FBXL7: variants seen among roughly 807,000 people sequenced by gnomAD.
FBXL7 encodes F-box/LRR-repeat protein 7.
A neutral mutation model predicts 38.3 loss-of-function variants in FBXL7; 12 were observed. The observed-to-expected ratio is 0.31, with a 90% CI of 0.20 to 0.51. The LOEUF (loss-of-function observed/expected upper bound fraction) is 0.51. FBXL7 is among the 20% of genes least tolerant of loss of function. FBXL7 has a pLI of 0.98. For synonymous variants in FBXL7, 297 were observed against 300.9 expected, an observed-to-expected ratio of 0.99 and a Z score of 0.13; for missense variants, 567 against 676.4, an observed-to-expected ratio of 0.84 and a Z score of 1.79.
intron 1 of FBXL7, among the ~76,000 whole-genome samples, chr5:15,603,628 A>T (rs1290657929): frequency 6.6e-6 from 1 of 152,060 alleles, no homozygotes; most frequent in Non-Finnish European, 1.5e-5. Context: ...ATCCTGGATC[A>T]CTCCAGTTAT....
chr5:15,650,339 A>G (rs1741664819), intron 2 of FBXL7, among the ~76,000 whole-genome samples: 3 of 152,226 alleles, frequency 2.0e-5, no homozygotes, highest in Admixed American at 6.5e-5. Flanking sequence ...ATAGACCTTA[A>G]TTTTAAAATA....
At chr5:15,724,127 T>A (rs545777140) in intron 2 of FBXL7, among the ~76,000 whole-genome samples, 8 of 152,318 alleles carry the variant, frequency 5.3e-5, no homozygotes, top group Non-Finnish European at 1.2e-4. Flanking sequence ...GACTTTTAGG[T>A]CAGTTTGGTG....
At chr5:15,613,256 A>G (rs1038456413) in intron 1 of FBXL7, among the ~76,000 whole-genome samples, 1 of 152,194 alleles carries the variant, frequency 6.6e-6, no homozygotes, top group South Asian at 2.1e-4. Context: ...AGATACAGAC[A>G]CTAGGCCTGC....
At chr5:15,729,107 T>A (rs1735504500) in intron 2 of FBXL7, among the ~76,000 whole-genome samples, 1 of 152,160 alleles carries the variant, frequency 6.6e-6, no homozygotes, top group South Asian at 2.1e-4. Flanking sequence ...GTAAATGCAC[T>A]GAAATGGGAA....
chr5:15,641,583 A>G (rs1741370971), intron 2 of FBXL7, among the ~76,000 whole-genome samples: 1 of 152,084 alleles, frequency 6.6e-6, no homozygotes, highest in Non-Finnish European at 1.5e-5. Context: ...ATTGGGTTAA[A>G]TATGATGTCG....
chr5:15,702,943 C>G (rs1743574984), intron 2 of FBXL7, among the ~76,000 whole-genome samples: 1 of 152,010 alleles, frequency 6.6e-6, no homozygotes, highest in Non-Finnish European at 1.5e-5. Flanking sequence ...GAGTGGGGGT[C>G]ACAAGGTGCT....
intron 2 of FBXL7, among the ~76,000 whole-genome samples, chr5:15,921,428 T>C (rs575269887): frequency 4.6e-5 from 7 of 151,998 alleles, no homozygotes; most frequent in Admixed American, 1.3e-4. Context: ...TTTGCAGATT[T>C]TATAATTTTT....
chr5:15,616,542 G>A (rs989960755), intron 2 of FBXL7, among the ~76,000 whole-genome samples: 2 of 152,120 alleles, frequency 1.3e-5, no homozygotes, highest in Non-Finnish European at 2.9e-5. Flanking sequence ...AGGAAAAAAG[G>A]GGGTTTCTTT....
chr5:15,586,224 C>T (rs1400106821), intron 1 of FBXL7, among the ~76,000 whole-genome samples: 2 of 151,666 alleles, frequency 1.3e-5, no homozygotes, highest in Non-Finnish European at 2.9e-5. Flanking sequence ...CAAATCATGT[C>T]TTAACTCCCT....
At chr5:15,798,551 T>G (rs759919280) in intron 2 of FBXL7, among the ~76,000 whole-genome samples, 11 of 152,196 alleles carry the variant, frequency 7.2e-5, no homozygotes, top group Non-Finnish European at 1.2e-4. Context: ...GTCTGTAGGA[T>G]GCACAAAATT....
chr5:15,894,427 G>C (rs967970255), intron 2 of FBXL7, among the ~76,000 whole-genome samples: 119 of 152,264 alleles, frequency 7.8e-4, no homozygotes, highest in African/African-American at 2.7e-3. Flanking sequence ...TTATTTCAGG[G>C]CATATTGAAA....
At chr5:15,931,391 T>C (rs1479540657) in intron 3 of FBXL7, among the ~76,000 whole-genome samples, 1 of 152,150 alleles carries the variant, frequency 6.6e-6, no homozygotes, top group Admixed American at 6.6e-5. Flanking sequence ...AATCATCCTT[T>C]TTTCTCCCCC....
intron 2 of FBXL7, among the ~76,000 whole-genome samples, chr5:15,816,847 T>C (rs2126759674): frequency 6.6e-6 from 1 of 152,316 alleles, no homozygotes; most frequent in Middle Eastern, 3.4e-3. Context: ...CGGAGTAAAT[T>C]AATCATATTA....
chr5:15,850,345 C>T (rs951983894), intron 2 of FBXL7, among the ~76,000 whole-genome samples: 3 of 152,098 alleles, frequency 2.0e-5, no homozygotes, highest in Non-Finnish European at 1.5e-5. Context: ...TATTCTTTCC[C>T]AGTTGGGCTC....
At chr5:15,696,361 A>C (rs1428776342) in intron 2 of FBXL7, among the ~76,000 whole-genome samples, 1 of 152,218 alleles carries the variant, frequency 6.6e-6, no homozygotes. Context: ...GCTTCAGGGA[A>C]AGGGAGAGGA....
At chr5:15,588,127 TTA>T (rs1462073701) in intron 1 of FBXL7, among the ~76,000 whole-genome samples, 1 of 152,206 alleles carries the variant, frequency 6.6e-6, no homozygotes, top group Non-Finnish European at 1.5e-5. Flanking sequence ...CTTTACAGCA[TTA>T]TGTCTGGTGT....
intron 2 of FBXL7, among the ~76,000 whole-genome samples, chr5:15,869,472 A>G (rs1258079322): frequency 2.6e-5 from 4 of 152,166 alleles, no homozygotes; most frequent in Non-Finnish European, 5.9e-5. Flanking sequence ...TCACGCAAGA[A>G]TTGTCCAGAC....
intron 3 of FBXL7, among the ~76,000 whole-genome samples, chr5:15,929,708 A>C (rs1416623693): frequency 1.3e-5 from 2 of 152,074 alleles, no homozygotes; most frequent in East Asian, 3.9e-4. Flanking sequence ...GGCAGGAAGA[A>C]TTAAAGCCCA....
At chr5:15,626,057 A>G (rs1448721505) in intron 2 of FBXL7, among the ~76,000 whole-genome samples, 1 of 152,188 alleles carries the variant, frequency 6.6e-6, no homozygotes, top group Non-Finnish European at 1.5e-5. Flanking sequence ...ACTGATTATT[A>G]TAAAGGTTTG....
Sources: gnomAD v4.1 joint callset for allele counts (sites outside exome capture counted in the v4.1 genomes callset) on GRCh38, gnomAD v4.1.1 for gene constraint, MANE v1.5 for transcripts, NCBI Gene and HGNC (gene_info 2026-07-23, HGNC 2026-07-21) for gene names.